SCUBE2: variants seen among roughly 807,000 people sequenced by gnomAD.
SCUBE2 encodes signal peptide, CUB and EGF-like domain-containing protein 2.
Under a neutral mutation model 125.9 loss-of-function variants are expected in SCUBE2, and 114 were observed. That is an observed-to-expected ratio of 0.91 (90% CI 0.78 to 1.06). The LOEUF is 1.06. Among genes scored for constraint, SCUBE2 ranks in the 50% least tolerant of loss-of-function variants. The pLI is 0.00. For missense variants in SCUBE2, 1,255 were observed against 1,301.8 expected, an observed-to-expected ratio of 0.96 and a Z score of 0.55; for synonymous variants, 459 against 492.9, an observed-to-expected ratio of 0.93 and a Z score of 0.91.
chr11:9,049,597 T>C (rs780371069), intron 14 of SCUBE2, among the ~76,000 whole-genome samples: 16 of 152,188 alleles, frequency 1.1e-4, no homozygotes, highest in Non-Finnish European at 2.1e-4. Flanking sequence ...GGTTTAAAAG[T>C]ATAAATGCTC....
chr11:9,047,130 T>G (rs546918425), intron 16 of SCUBE2, among the ~76,000 whole-genome samples: 240 of 119,148 alleles, frequency 2.0e-3, no homozygotes, highest in African/African-American at 7.4e-3. Context: ...CTATGCCAGG[T>G]GCTGAGGACA....
At chr11:9,021,328 C>A in intron 22 of SCUBE2, 131 bp from the exon 23 acceptor site, 1 of 625,774 alleles carries the variant, frequency 1.6e-6, no homozygotes. Context: ...AAATTGTTTC[C>A]TCTGATTTTT....
In SCUBE2 at chr11:9,035,951, C is replaced by T. The variant is rs190556595; in HGVS notation, c.2003-2155G>A. ...TTGCCCAAGCTGGAGTGCAATGGCGCGATCTCAGCTCATCGCAACCTCCGC... is the reference window on the plus strand; with the variant it reads ...TTGCCCAAGCTGGAGTGCAATGGCGTGATCTCAGCTCATCGCAACCTCCGC... On this transcript the variant is annotated intron_variant, in intron 16 of 22. Transcript: ENST00000649792. Among the ~76,000 whole-genome samples, 374 of 152,194 alleles carry T rather than the reference C, an allele frequency of 2.5e-3. 2 individuals carry two copies. The highest frequency in any genetic ancestry group is 8.8e-3 in the African/African-American group (364 of 41,520).
chr11:9,059,510 A>G, intron 8 of SCUBE2, 85 bp from the exon 9 acceptor site: 1 of 1,463,376 alleles, frequency 6.8e-7, no homozygotes, highest in East Asian at 2.4e-5. Flanking sequence ...GTGTGTGTTC[A>G]TTAGTCTCTG....
intron 14 of SCUBE2, among the ~76,000 whole-genome samples, chr11:9,049,118 A>G (rs1858092604): frequency 6.6e-6 from 1 of 152,248 alleles, no homozygotes; most frequent in African/African-American, 2.4e-5. Flanking sequence ...AAGATAGTAT[A>G]GAGTTCCCAC....
At chr11:9,045,107 T>C (rs1857575753) in intron 16 of SCUBE2, among the ~76,000 whole-genome samples, 1 of 152,200 alleles carries the variant, frequency 6.6e-6, no homozygotes, top group South Asian at 2.1e-4. Context: ...CTGAGATGTT[T>C]GCGTGTTTCT....
At position 9,025,801 on chromosome 11, in the gene SCUBE2, TG is replaced by T. The variant is rs754355194; in HGVS notation, c.2754del (p.Ile919SerfsTer30). The T allele has an allele frequency of 3.7e-6, 6 of 1,614,178 alleles. No individual in the cohort carries two copies. The South Asian group carries it at 6.6e-5, about 18-fold the overall frequency. ...TYETCQTYER[P>X]IAFTSRSKKL... ...TTCTTTGACCTGGAGGTGAAGGCGA[TG>T]GGGCGTTCGTAGGTCTGGCAGGTTT... On this transcript the variant is annotated frameshift_variant, in exon 21 of 23. Transcript: ENST00000649792. LOFTEE classifies it high-confidence loss of function.
intron 18 of SCUBE2, chr11:9,030,437 T>TG: frequency 2.4e-6 from 1 of 410,154 alleles, no homozygotes; most frequent in Non-Finnish European, 4.4e-6. Context: ...GAAGGGGTAT[T>TG]GGGGGGAAGC....
chr11:9,025,731 C>T lies in SCUBE2; in HGVS notation c.2825G>A (p.Gly942Glu). The T allele has an allele frequency of 1.2e-6, 2 of 1,614,138 alleles. No individual in the cohort carries two copies. Among genetic ancestry groups the T allele is most frequent in the Non-Finnish European group, 1.7e-6 (2 of 1,180,034 alleles). Residue 942 changes from glycine to glutamate, a missense_variant, in exon 21 of 23, where the codon GGG becomes GAG. Gly to Glu is a moderately conservative substitution (Grantham distance 98). This residue lies in a region of SCUBE2 where 515 missense variants were observed against 515.7 expected (regional missense o/e 1.00). Coordinates refer to ENST00000649792, the MANE Select transcript of SCUBE2 (RefSeq NM_001367977.2). The part of the protein sequence containing the change: ...FKSNEGNSAR[G>E]FQVPYVTYDE... ...ATATGTCACGTATGGGACCTGGAAC[C>T]CTCTAGCGCTGTTCCCTTCATTGGA... is the stretch of plus-strand genomic sequence containing the variant.
intron 16 of SCUBE2, among the ~76,000 whole-genome samples, chr11:9,042,917 A>C (rs185540503): frequency 6.6e-6 from 1 of 152,312 alleles, no homozygotes; most frequent in Admixed American, 6.5e-5. Context: ...CTCATAGGCA[A>C]CACATTCAAA....
chr11:9,048,297 T>C (rs752722855), intron 14 of SCUBE2, among the ~76,000 whole-genome samples, 199 bp from the exon 15 acceptor site: 5 of 152,228 alleles, frequency 3.3e-5, no homozygotes, highest in Non-Finnish European at 7.3e-5. Flanking sequence ...GCCTCCTATA[T>C]AACTTTACAA....
chr11:9,061,383 C>T (rs1437364717), intron 7 of SCUBE2, among the ~76,000 whole-genome samples: 1 of 149,046 alleles, frequency 6.7e-6, no homozygotes, highest in African/African-American at 2.5e-5. Flanking sequence ...GTGGTGAGAC[C>T]CCCATCTCTA....
rs61876347 is a variant in SCUBE2, at chr11:9,056,943, G to A, written c.1091-1034C>T. Reference sequence around the variant, plus strand: ...AGAATGAAAAAGCAAAATAAAAAAGGGCAAATTCTTGCAAAACCTCTTCAT... The same window carrying A: ...AGAATGAAAAAGCAAAATAAAAAAGAGCAAATTCTTGCAAAACCTCTTCAT... On this transcript the variant is annotated intron_variant, in intron 9 of 22. Coordinates refer to ENST00000649792, the MANE Select transcript of SCUBE2 (RefSeq NM_001367977.2). Among the ~76,000 whole-genome samples the A allele has an allele frequency of 8.1e-3, 1,231 of 152,252 alleles. 6 individuals carry two copies. Among genetic ancestry groups the A allele is most frequent in the Admixed American group, 0.018 (279 of 15,280 alleles).
intron 3 of SCUBE2, among the ~76,000 whole-genome samples, chr11:9,077,974 C>G (rs889977894): frequency 3.3e-5 from 5 of 152,240 alleles, no homozygotes; most frequent in East Asian, 3.8e-4. Context: ...TATACTACCC[C>G]CCGCCACCCC....
chr11:9,050,486 T>C (rs574515050), intron 14 of SCUBE2, 120 bp downstream of exon 14: 187 of 744,472 alleles, frequency 2.5e-4, no homozygotes, highest in Non-Finnish European at 3.9e-4. Flanking sequence ...TTCAGTTCCA[T>C]CTGCAGTGTG....
chr11:9,066,576 C>T, intron 6 of SCUBE2, 121 bp downstream of exon 6: 1 of 791,092 alleles, frequency 1.3e-6, no homozygotes. Context: ...CAGCACAGGG[C>T]CTGCTGGGGG....
chr11:9,040,809 A>G (rs117574311), intron 16 of SCUBE2, among the ~76,000 whole-genome samples: 2,981 of 152,328 alleles, frequency 0.02, 43 homozygotes, highest in Non-Finnish European at 0.032. Context: ...ATTTCATCAC[A>G]CCACTCTGAA....
intron 3 of SCUBE2, among the ~76,000 whole-genome samples, chr11:9,077,685 T>A (rs1392715631): frequency 6.6e-6 from 1 of 152,196 alleles, no homozygotes; most frequent in Non-Finnish European, 1.5e-5. Flanking sequence ...CAAATGTACT[T>A]CATTTTCTTG....
At chr11:9,034,197 G>C (rs1402978047) in intron 16 of SCUBE2, among the ~76,000 whole-genome samples, 2 of 152,216 alleles carry the variant, frequency 1.3e-5, no homozygotes, top group Non-Finnish European at 1.5e-5. Flanking sequence ...TGGAAGAACA[G>C]AGTGTTATTA....
Sources: gnomAD v4.1 joint callset for allele counts (sites outside exome capture counted in the v4.1 genomes callset) on GRCh38, gnomAD v4.1.1 for gene constraint, gnomAD v4.1.1 regional missense constraint, MANE v1.5 for transcripts, NCBI Gene and HGNC (gene_info 2026-07-23, HGNC 2026-07-21) for gene names.